CTNNA3: variants seen among roughly 807,000 people sequenced by gnomAD.
The protein encoded by CTNNA3 is catenin alpha 3.
CTNNA3 carries 76 observed loss-of-function variants against 95.7 expected under a neutral mutation model. The observed-to-expected ratio is 0.79, with a 90% CI of 0.66 to 0.96. The LOEUF is 0.96. CTNNA3 is among the 40% of genes least tolerant of loss of function. CTNNA3 has a pLI of 0.00. For missense variants in CTNNA3, 1,191 were observed against 1,089.8 expected (o/e 1.09, Z -1.31); for synonymous variants, 431 against 374.4 (o/e 1.15, Z -1.74).
intron 5 of CTNNA3, among the ~76,000 whole-genome samples, chr10:67,323,204 A>C (rs1182841859): frequency 1.3e-5 from 2 of 152,146 alleles, no homozygotes; most frequent in Non-Finnish European, 2.9e-5. Context: ...TTTTCTGTGC[A>C]GAAGCTCTTT....
At chr10:67,220,027 TC>T (rs1458293810) in intron 5 of CTNNA3, among the ~76,000 whole-genome samples, 157 bp from the exon 6 acceptor site, 2 of 152,218 alleles carry the variant, frequency 1.3e-5, no homozygotes, top group African/African-American at 4.8e-5. Flanking sequence ...ATTTCTACAT[TC>T]TTTCAGTTTC....
intron 14 of CTNNA3, among the ~76,000 whole-genome samples, chr10:66,081,203 C>T (rs535668768): frequency 2.0e-5 from 3 of 152,242 alleles, no homozygotes; most frequent in East Asian, 1.9e-4. Context: ...TGGGTAGATG[C>T]CACCTGACAC....
chr10:66,806,711 T>C (rs1841657812), intron 7 of CTNNA3, among the ~76,000 whole-genome samples: 1 of 151,226 alleles, frequency 6.6e-6, no homozygotes, highest in African/African-American at 2.4e-5. Context: ...TTCATCAATA[T>C]AGAGGGAAAT....
At chr10:66,711,514 A>G (rs1848294868) in intron 9 of CTNNA3, among the ~76,000 whole-genome samples, 1 of 151,932 alleles carries the variant, frequency 6.6e-6, no homozygotes, top group Admixed American at 6.6e-5. Context: ...CCATTCAACA[A>G]CATAAGTTAG....
intron 12 of CTNNA3, among the ~76,000 whole-genome samples, chr10:66,354,195 G>T (rs865987987): frequency 5.3e-5 from 8 of 151,796 alleles, no homozygotes; most frequent in African/African-American, 1.7e-4. Flanking sequence ...GAGGCAGGGA[G>T]AATCGCTTGA....
intron 7 of CTNNA3, among the ~76,000 whole-genome samples, chr10:67,064,056 G>C (rs184322347): frequency 7.2e-5 from 11 of 152,248 alleles, no homozygotes; most frequent in South Asian, 2.1e-4. Context: ...TATACCTGAC[G>C]CTTCAGCTTT....
chr10:65,992,395 G>C (rs958149681), intron 15 of CTNNA3, among the ~76,000 whole-genome samples: 10 of 152,046 alleles, frequency 6.6e-5, no homozygotes, highest in Non-Finnish European at 1.0e-4. Context: ...TTTTTCGGGA[G>C]TCTTTTTGTT....
chr10:66,752,684 T>TA (rs1355942851), intron 9 of CTNNA3, among the ~76,000 whole-genome samples: 2 of 152,108 alleles, frequency 1.3e-5, no homozygotes, highest in African/African-American at 4.8e-5. Context: ...CCATAAATAA[T>TA]AAAAAACTTG....
intron 13 of CTNNA3, among the ~76,000 whole-genome samples, chr10:66,267,879 A>G (rs112156366): frequency 7.9e-4 from 121 of 152,288 alleles, no homozygotes; most frequent in African/African-American, 2.8e-3. Context: ...TATAAAAGAC[A>G]TTAAAGTATG....
intron 6 of CTNNA3, among the ~76,000 whole-genome samples, chr10:67,215,673 T>C (rs1483094639): frequency 6.6e-6 from 1 of 152,180 alleles, no homozygotes. Flanking sequence ...GCCAAGGCTA[T>C]GCTAGTCAAA....
intron 10 of CTNNA3, among the ~76,000 whole-genome samples, chr10:66,530,727 ATCT>A (rs1231860239): frequency 6.6e-6 from 1 of 152,086 alleles, no homozygotes; most frequent in African/African-American, 2.4e-5. Flanking sequence ...CTTTTTTGTA[ATCT>A]TCTTACTCCA....
chr10:67,564,582 T>G (rs1387395589), intron 3 of CTNNA3, among the ~76,000 whole-genome samples: 1 of 142,598 alleles, frequency 7.0e-6, no homozygotes, highest in African/African-American at 2.7e-5. Context: ...ACATGGCACA[T>G]GCATACATAT....
chr10:66,785,334 G>A (rs1410531798), intron 7 of CTNNA3, among the ~76,000 whole-genome samples: 2 of 152,190 alleles, frequency 1.3e-5, no homozygotes, highest in Non-Finnish European at 2.9e-5. Context: ...TATTTCTGAA[G>A]CTGTTTTCAG....
chr10:67,499,444 C>T (rs899564338), intron 5 of CTNNA3, among the ~76,000 whole-genome samples: 3 of 152,166 alleles, frequency 2.0e-5, no homozygotes, highest in Admixed American at 1.3e-4. Context: ...ATGTTGGCCT[C>T]ATAAAATGAG....
chr10:65,938,012 G>T (rs1275400864), intron 17 of CTNNA3, among the ~76,000 whole-genome samples: 1 of 146,704 alleles, frequency 6.8e-6, no homozygotes, highest in Admixed American at 6.9e-5. Context: ...TTATTCTGAT[G>T]TTGTCTTTGA....
chr10:66,769,087 T>G (rs937357030), intron 8 of CTNNA3, among the ~76,000 whole-genome samples: 1 of 152,206 alleles, frequency 6.6e-6, no homozygotes, highest in African/African-American at 2.4e-5. Flanking sequence ...TATAAAGACT[T>G]CACTATAATT....
At position 67,758,321 on chromosome 10, in the gene CTNNA3, TATAC is replaced by T. The variant is rs1554881252; in HGVS notation, c.-2+5109_-2+5112del. Among the ~76,000 whole-genome samples, 69 of 78,174 alleles carry T rather than the reference TATAC, an allele frequency of 8.8e-4. No homozygotes were observed. In the East Asian group the frequency reaches 9.6e-3, roughly 11 times the overall value. The allele number at this position is 78,174 out of a possible 152,430, so 51.3% of individuals were successfully genotyped here. ...ACACACACACATATATATAAATATA[TATAC>T]ACACACACACACACACACACACACA... On this transcript the variant is annotated intron_variant, in intron 1 of 17. Coordinates refer to the CTNNA3 transcript ENST00000684154.
intron 5 of CTNNA3, among the ~76,000 whole-genome samples, chr10:67,504,769 C>T (rs1350623871): frequency 6.6e-6 from 1 of 152,164 alleles, no homozygotes; most frequent in Admixed American, 6.5e-5. Context: ...ATATCTTAAA[C>T]CCAGAGTTAT....
intron 14 of CTNNA3, among the ~76,000 whole-genome samples, chr10:66,073,348 A>G (rs1250376423): frequency 1.3e-5 from 2 of 152,142 alleles, no homozygotes; most frequent in Non-Finnish European, 2.9e-5. Context: ...TACAGTGTAC[A>G]TATAGGTCAG....
Sources: allele counts gnomAD v4.1 joint callset (sites outside exome capture counted in the v4.1 genomes callset), GRCh38; gene constraint gnomAD v4.1.1; transcripts MANE v1.5; gene names NCBI Gene and HGNC (gene_info 2026-07-23, HGNC 2026-07-21).